The following HELZ variants were observed in gnomAD, a reference collection of about 807,000 sequenced individuals.
HELZ encodes ATP-dependent RNA helicase with zinc finger domain.
In HELZ, 23 loss-of-function variants were observed where a neutral mutation model predicts 218.2. The ratio of observed to expected loss-of-function variants is 0.11; its 90% CI spans 0.08 to 0.15. HELZ has a LOEUF of 0.15. Among genes scored for constraint, HELZ ranks in the 10% least tolerant of loss-of-function variants. The probability of loss-of-function intolerance (pLI) is 1.00; values close to 1 mark genes in which losing one functional copy is unlikely to be tolerated. For synonymous variants in HELZ, 814 were observed against 829.4 expected (o/e 0.98, Z 0.32); for missense variants, 1,813 against 2,353.7 (o/e 0.77, Z 4.75).
chr17:67,190,927 C>A (rs1300100065), intron 9 of HELZ, among the ~76,000 whole-genome samples: 1 of 152,088 alleles, frequency 6.6e-6, no homozygotes, highest in Non-Finnish European at 1.5e-5. Flanking sequence ...CCAGGCTGGT[C>A]TTGAACTCCT....
rs754018524 is a variant in HELZ, at chr17:67,145,747, G to C, written c.2765C>G (p.Ala922Gly). The C allele has an allele frequency of 1.2e-6, 2 of 1,604,566 alleles. No homozygotes were observed. The highest frequency in any genetic ancestry group is 1.7e-6 in the Non-Finnish European group (2 of 1,173,008). Reference protein sequence around the residue: ...EKNSTAFYNNAEVFEVVERVE... With the variant: ...EKNSTAFYNNGEVFEVVERVE... ...TTACAAAAAGAATTAAGGTACCTCT[G>C]CATTATTATAAAAAGCTGTGCTATT... The change falls in exon 21 of 33, where the codon GCA (alanine) becomes GGA (glycine). Residue 922 changes from alanine to glycine, a missense_variant. By Grantham distance (60) the Ala-to-Gly change is moderately conservative (BLOSUM62 0). This residue lies in a region of HELZ where 156 missense variants were observed against 274.4 expected (regional missense o/e 0.57). Transcript: ENST00000358691.
chr17:67,078,516 G>A lies in HELZ; in HGVS notation c.5565C>T (p.Phe1855=). 2.6e-6 allele frequency: 4 copies of A among 1,531,540 alleles called. No individual in the cohort carries two copies. Among genetic ancestry groups the A allele is most frequent in the Non-Finnish European group, 3.5e-6 (4 of 1,143,030 alleles). The allele number at this position is 1,531,540 out of a possible 1,614,324, so 94.9% of individuals were successfully genotyped here. A position where few individuals can be genotyped will look rare whatever the true frequency, so the allele number is the denominator to read the frequency against. ...KSENLEVSSS[F]NYSVLQHLGQ... is the part of the protein sequence containing the mutation. ...CAAGATGCTGCAGCACACTGTAGTTGAAGGAACTGGACACCTCGAGGTTCT... is the reference window on the plus strand; with the variant it reads ...CAAGATGCTGCAGCACACTGTAGTTAAAGGAACTGGACACCTCGAGGTTCT... The change falls in exon 33 of 33, where the codon TTC becomes TTT. Residue 1855 remains phenylalanine (F), a synonymous_variant. Transcript: ENST00000358691.
At chr17:67,084,051 T>C (rs2036278518) in intron 32 of HELZ, among the ~76,000 whole-genome samples, 1 of 152,168 alleles carries the variant, frequency 6.6e-6, no homozygotes, top group African/African-American at 2.4e-5. Flanking sequence ...ATCTCTAACT[T>C]CAGTAAGAAG....
intron 13 of HELZ, among the ~76,000 whole-genome samples, chr17:67,177,594 A>G (rs2039496621): frequency 6.6e-6 from 1 of 151,890 alleles, no homozygotes; most frequent in Non-Finnish European, 1.5e-5. Context: ...TAAATAATAT[A>G]GATGATATAA....
At chr17:67,195,342 A>C (rs2039995398) in intron 8 of HELZ, 77 bp downstream of exon 8, 1 of 857,076 alleles carries the variant, frequency 1.2e-6, no homozygotes, top group Admixed American at 1.9e-5. Context: ...GTAACTCAGT[A>C]AATTTTCTCC....
At chr17:67,107,828 G>A (rs2037154859) in intron 30 of HELZ, 143 bp from the exon 31 acceptor site, 1 of 694,198 alleles carries the variant, frequency 1.4e-6, no homozygotes, top group East Asian at 2.7e-5. Flanking sequence ...TCAGATGTAA[G>A]CATTAACACT....
At chr17:67,218,408 T>C (rs2040661625) in intron 4 of HELZ, among the ~76,000 whole-genome samples, 187 bp downstream of exon 4, 1 of 152,180 alleles carries the variant, frequency 6.6e-6, no homozygotes, top group East Asian at 1.9e-4. Context: ...TAATCCAAAA[T>C]GCCCTAAAGT....
At chr17:67,153,995 A>G (rs549616635) in intron 17 of HELZ, among the ~76,000 whole-genome samples, 1 of 152,364 alleles carries the variant, frequency 6.6e-6, no homozygotes, top group East Asian at 1.9e-4. Flanking sequence ...CCTTTTCTCA[A>G]AGAGCCACCA....
chr17:67,221,033 C>A (rs1174143824), intron 3 of HELZ, among the ~76,000 whole-genome samples: 2 of 152,024 alleles, frequency 1.3e-5, no homozygotes, highest in African/African-American at 4.8e-5. Flanking sequence ...TGGGTGAAAT[C>A]AATTGTTCAA....
At chr17:67,224,012 C>T (rs2143360513) in intron 3 of HELZ, among the ~76,000 whole-genome samples, 1 of 152,282 alleles carries the variant, frequency 6.6e-6, no homozygotes, top group South Asian at 2.1e-4. Context: ...AATAAAAGCC[C>T]ACGATTTCCC....
chr17:67,245,118 G>T, intron 1 of HELZ, 30 bp downstream of exon 1: 11 of 984,994 alleles, frequency 1.1e-5, no homozygotes, highest in Non-Finnish European at 1.3e-5. Context: ...AGCGGCCCCA[G>T]GAGCAGAGAA....
At chr17:67,219,193 T>C (rs1348288797) in intron 3 of HELZ, among the ~76,000 whole-genome samples, 1 of 152,166 alleles carries the variant, frequency 6.6e-6, no homozygotes, top group Admixed American at 6.6e-5. Flanking sequence ...TATCCAAATC[T>C]CCAAATTTCA....
At chr17:67,093,698 T>G (rs997920913) in intron 31 of HELZ, among the ~76,000 whole-genome samples, 2 of 152,174 alleles carry the variant, frequency 1.3e-5, no homozygotes, top group African/African-American at 4.8e-5. Flanking sequence ...ACCTGCAAAG[T>G]AGATCCTGAA....
At chr17:67,094,517 T>C (rs2036681473) in intron 31 of HELZ, among the ~76,000 whole-genome samples, 1 of 152,188 alleles carries the variant, frequency 6.6e-6, no homozygotes, top group African/African-American at 2.4e-5. Flanking sequence ...ATACAGCTAA[T>C]ACTGCAATAA....
chr17:67,237,640 ATTCTT>A (rs1598483777), intron 3 of HELZ, among the ~76,000 whole-genome samples: 1 of 152,228 alleles, frequency 6.6e-6, no homozygotes, highest in South Asian at 2.1e-4. Context: ...AGCTGGAGAT[ATTCTT>A]TTAAGTCTTA....
intron 9 of HELZ, among the ~76,000 whole-genome samples, chr17:67,190,990 G>A (rs2039880087): frequency 6.6e-6 from 1 of 152,146 alleles, no homozygotes. Context: ...TTATAGGCGT[G>A]AGCCACCACG....
chr17:67,136,968 A>T (rs1273690497), intron 22 of HELZ, among the ~76,000 whole-genome samples: 1 of 152,172 alleles, frequency 6.6e-6, no homozygotes, highest in African/African-American at 2.4e-5. Context: ...TTACCACCAT[A>T]AAAAAATTTT....
chr17:67,224,795 C>T (rs2040846524), intron 3 of HELZ: 1 of 1,174,794 alleles, frequency 8.5e-7, no homozygotes, highest in Admixed American at 1.7e-5. Flanking sequence ...CCCCACAAAA[C>T]GACACAGTAC....
chr17:67,092,227 T>C (rs1194305757), intron 31 of HELZ, among the ~76,000 whole-genome samples: 1 of 152,054 alleles, frequency 6.6e-6, no homozygotes, highest in African/African-American at 2.4e-5. Flanking sequence ...ATTATAGATA[T>C]ACAACAATCA....
Sources: gnomAD v4.1 joint callset for allele counts (sites outside exome capture counted in the v4.1 genomes callset) on GRCh38, gnomAD v4.1.1 for gene constraint, gnomAD v4.1.1 regional missense constraint, MANE v1.5 for transcripts, NCBI Gene and HGNC (gene_info 2026-07-23, HGNC 2026-07-21) for gene names.